The following MOGS variants were observed in gnomAD, a reference collection of about 807,000 sequenced individuals.
MOGS encodes epididymis secretory sperm binding protein.
A neutral mutation model predicts 68.5 loss-of-function variants in MOGS; 45 were observed. The observed-to-expected ratio is 0.66, with a 90% CI of 0.52 to 0.84. The LOEUF (loss-of-function observed/expected upper bound fraction) is 0.84. Ranked by LOEUF, MOGS falls within the 40% of genes least tolerant of loss-of-function variation. MOGS has a pLI of 0.00. For synonymous variants in MOGS, 492 were observed against 461.2 expected (o/e 1.07, Z -0.86); for missense variants, 1,020 against 1,095.0 (o/e 0.93, Z 0.97).
At position 74,465,177 on chromosome 2, in the gene MOGS, C is replaced by T. The variant is rs750801906; in HGVS notation, c.71G>A (p.Arg24Gln). ...EGVRTAERAARGGPGRRDGRG... is the reference protein window; with the variant it reads ...EGVRTAERAAQGGPGRRDGRG... ...GCCGTCCCGTCGCCCGGGGCCTCCC[C>T]GAGCCGCCCTCTCGGCTGTCCGCAC... Residue 24 changes from arginine (R) to glutamine (Q), a missense_variant, in exon 1 of 4, where the codon CGG becomes CAG. Coordinates refer to ENST00000448666, the MANE Select transcript of MOGS (RefSeq NM_006302.3). 7 of 1,532,194 alleles carry T rather than the reference C, an allele frequency of 4.6e-6. No individual in the cohort carries two copies. The highest frequency in any genetic ancestry group is 4.2e-5 in the African/African-American group (3 of 71,474). 94.9% of individuals were successfully genotyped at this position (1,532,194 alleles called of 1,614,324 possible). A position where few individuals can be genotyped will look rare whatever the true frequency, so the allele number is the denominator to read the frequency against.
intron 2 of MOGS, chr2:74,463,612 G>A: frequency 2.1e-6 from 1 of 486,432 alleles, no homozygotes; most frequent in Non-Finnish European, 3.8e-6. Context: ...GTATACTTTT[G>A]TACTATGTCC....
Position 74,461,162 on chromosome 2 carries a change from T to A in MOGS, c.*113A>T. 5.0e-6 allele frequency: 6 copies of A among 1,192,276 alleles called. No homozygotes were observed. The South Asian group carries it at 7.6e-5, about 15-fold the overall frequency. The allele number at this position is 1,192,276 out of a possible 1,614,324, so 73.9% of individuals were successfully genotyped here. On this transcript the variant is annotated 3_prime_UTR_variant, in exon 4 of 4. Coordinates refer to ENST00000448666, the MANE Select transcript of MOGS (RefSeq NM_006302.3). ...CAGCAAGGAGACACCTGAGATGAAA[T>A]GAGGAAGGTTTGAATTACTGGTATC...
chr2:74,464,937 T>C lies in MOGS; in HGVS notation c.311A>G (p.Tyr104Cys). The C allele has an allele frequency of 6.2e-7, 1 of 1,602,116 alleles. No individual in the cohort carries two copies. The highest frequency in any genetic ancestry group is 1.3e-5 in the African/African-American group (1 of 74,908). The part of the protein sequence containing the change: ...LFWGTYRPHV[Y>C]FGMKTRSPKP... ...CGGGCTGCGGGTCTTCATGCCGAAGTAGACGTGAGGGCGGTAGGTTCCCCA... is the reference window on the plus strand; with the variant it reads ...CGGGCTGCGGGTCTTCATGCCGAAGCAGACGTGAGGGCGGTAGGTTCCCCA... Residue 104 changes from tyrosine to cysteine, a missense_variant, in exon 1 of 4, where the codon TAC becomes TGC. This residue lies in a region of MOGS where 569 missense variants were observed against 571.9 expected (regional missense o/e 0.99). Transcript: ENST00000448666.
chr2:74,465,042 C>T lies in MOGS; in HGVS notation c.206G>A (p.Arg69Gln), dbSNP rs374933674. The T allele has an allele frequency of 1.0e-5, 16 of 1,554,958 alleles. No individual in the cohort carries two copies. Among genetic ancestry groups the T allele is most frequent in the Non-Finnish European group, 1.4e-5 (16 of 1,150,120 alleles). Residue 69 changes from arginine to glutamine, a missense_variant, in exon 1 of 4, where the codon CGG (arginine) becomes CAG (glutamine). Arg to Gln is a conservative substitution (Grantham distance 43). This residue lies in a region of MOGS where 569 missense variants were observed against 571.9 expected (regional missense o/e 0.99). Transcript: ENST00000448666. ...GRWVLAWYRA[R>Q]RAVTLHSAPP... ...CGCGGAGTGCAGCGTGACCGCCCGCCGCGCACGGTACCACGCCAGCACCCA... is the reference window on the plus strand; with the variant it reads ...CGCGGAGTGCAGCGTGACCGCCCGCTGCGCACGGTACCACGCCAGCACCCA...
In MOGS at chr2:74,462,330, C is replaced by T; in HGVS notation, c.1459G>A (p.Glu487Lys). Residue 487 changes from glutamate (E) to lysine (K), a missense_variant, in exon 4 of 4, where the codon GAG (glutamate) becomes AAG (lysine). Physicochemically the swap from Glu to Lys is moderately conservative, Grantham distance 56 (BLOSUM62 1). Transcript: ENST00000448666. The part of the protein sequence containing the change: ...LLNADGWIGR[E>K]QILGDEARAR... ...CGGGCCTCATCCCCCAGTATCTGCTCCCTCCCAATCCAGCCATCAGCATTT... is the reference window on the plus strand; with the variant it reads ...CGGGCCTCATCCCCCAGTATCTGCTTCCTCCCAATCCAGCCATCAGCATTT... The T allele has an allele frequency of 6.2e-7, 1 of 1,614,018 alleles. No individual in the cohort carries two copies. Among genetic ancestry groups the T allele is most frequent in the Non-Finnish European group, 8.5e-7 (1 of 1,180,010 alleles).
Position 74,461,331 on chromosome 2 carries a change from G to A in MOGS, c.2458C>T (p.Arg820Cys), listed in dbSNP as rs370469058. Residue 820 changes from arginine (R) to cysteine (C), a missense_variant, in exon 4 of 4, where the codon CGC becomes TGC. Arg to Cys is a radical substitution (Grantham distance 180). Coordinates refer to ENST00000448666, the MANE Select transcript of MOGS (RefSeq NM_006302.3). The stretch of plus-strand genomic sequence containing the variant: ...AGGCTGGTCCAGCCGTGGAAAGGGC[G>A]GCAGCCCATGCCTCGCCCATCGCGG... Reference protein sequence around the residue: ...SDRDGRGMGCRPFHGWTSLVL... With the variant: ...SDRDGRGMGCCPFHGWTSLVL... The A allele has an allele frequency of 1.4e-5, 23 of 1,613,972 alleles. No homozygotes were observed. The highest frequency in any genetic ancestry group is 2.2e-5 in the East Asian group (1 of 44,896).
In MOGS at chr2:74,461,319, C is replaced by T. The variant is rs778216818; in HGVS notation, c.2470G>A (p.Gly824Ser). ...GRGMGCRPFH[G>S]WTSLVLLAMA... ...GCCAGTAAGACAAGGCTGGTCCAGC[C>T]GTGGAAAGGGCGGCAGCCCATGCCT... Residue 824 changes from glycine to serine, a missense_variant, in exon 4 of 4, where the codon GGC becomes AGC. Around this residue, in one of 3 missense-constraint regions of MOGS, gnomAD observed 270 missense variants for 261.3 expected, o/e 1.03. Transcript: ENST00000448666. The T allele has an allele frequency of 1.6e-5, 26 of 1,613,970 alleles. No homozygotes were observed. Among genetic ancestry groups the T allele is most frequent in the Middle Eastern group, 1.6e-4 (1 of 6,080 alleles).
rs772550239 is a variant in MOGS at position 74,462,299 on chromosome 2, C to T, written c.1490G>A (p.Arg497Gln). The T allele has an allele frequency of 6.9e-5, 112 of 1,613,724 alleles. No homozygotes were observed. Among genetic ancestry groups the T allele is most frequent in the Middle Eastern group, 1.6e-4 (1 of 6,084 alleles). The change falls in exon 4 of 4, where the codon CGG becomes CAG. Residue 497 changes from arginine to glutamine, a missense_variant. This residue lies in a region of MOGS where 181 missense variants were observed against 261.8 expected (regional missense o/e 0.69). Transcript: ENST00000448666. ...TTGTACTAGGAATTCTGGAGGCACC[C>T]GGGCTCGGGCCTCATCCCCCAGTAT... ...EQILGDEARA[R>Q]VPPEFLVQRA...
intron 2 of MOGS, 29 bp downstream of exon 2, chr2:74,464,467 C>CT: frequency 6.2e-7 from 1 of 1,609,004 alleles, no homozygotes. Context: ...GGGGTCTGGG[C>CT]TGAGAAAAGG....
rs1671927109 is a variant in MOGS at position 74,462,063 on chromosome 2, T to C, written c.1726A>G (p.Lys576Glu). The C allele has an allele frequency of 6.2e-7, 1 of 1,613,968 alleles. No homozygotes were observed. The highest frequency in any genetic ancestry group is 8.5e-7 in the Non-Finnish European group (1 of 1,179,994). The change falls in exon 4 of 4, where the codon AAG becomes GAG. Residue 576 changes from lysine to glutamate, a missense_variant. Physicochemically the swap from Lys to Glu is moderately conservative, Grantham distance 56. This residue lies in a region of MOGS where 181 missense variants were observed against 261.8 expected (regional missense o/e 0.69). Transcript: ENST00000448666. The stretch of plus-strand genomic sequence containing the variant: ...TCATCCAGCCCAGAGGGTAGGGTCT[T>C]GGGGTTCAGTAAGGTTGGTAAGGCA... ...DPALPTLLNP[K>E]TLPSGLDDYP... is the part of the protein sequence containing the mutation.
Position 74,463,223 on chromosome 2 carries a change from G to A in MOGS, c.743C>T (p.Thr248Ile), listed in dbSNP as rs1247000523. Residue 248 changes from threonine (T) to isoleucine (I), a missense_variant, in exon 3 of 4, where the codon ACC becomes ATC. This residue lies in a region of MOGS where 569 missense variants were observed against 571.9 expected (regional missense o/e 0.99). Coordinates refer to ENST00000448666, the MANE Select transcript of MOGS (RefSeq NM_006302.3). Reference sequence around the variant, plus strand: ...CTTGGGGGCTGTATCCCCTGGACTGGTTGGTGGCAAAAGTGTAAAGCGGAA... The same window carrying A: ...CTTGGGGGCTGTATCCCCTGGACTGATTGGTGGCAAAAGTGTAAAGCGGAA... The part of the protein sequence containing the change: ...GDFRFTLLPP[T>I]SPGDTAPKYG... 1 of 1,614,048 alleles carries A rather than the reference G, an allele frequency of 6.2e-7. No individual in the cohort carries two copies. The highest frequency in any genetic ancestry group is 2.2e-5 in the East Asian group (1 of 44,904).
In MOGS at chr2:74,461,314, C is replaced by T. The variant is rs753171705; in HGVS notation, c.2475G>A (p.Trp825Ter). Residue 825 changes from tryptophan (W) to a stop codon, truncating the protein, a stop_gained, in exon 4 of 4, where the codon TGG (tryptophan) becomes TGA (stop). Coordinates refer to ENST00000448666, the MANE Select transcript of MOGS (RefSeq NM_006302.3). LOFTEE classifies it high-confidence loss of function. ...RGMGCRPFHGWTSLVLLAMAE... is the reference protein window; with the variant it reads ...RGMGCRPFHG ...CCATGGCCAGTAAGACAAGGCTGGT[C>T]CAGCCGTGGAAAGGGCGGCAGCCCA... The T allele has an allele frequency of 1.2e-6, 2 of 1,614,088 alleles. No individual in the cohort carries two copies. The highest frequency in any genetic ancestry group is 2.2e-5 in the East Asian group (1 of 44,890).
chr2:74,463,164 C>T, intron 3 of MOGS, 26 bp downstream of exon 3: 19 of 1,613,502 alleles, frequency 1.2e-5, no homozygotes, highest in Non-Finnish European at 1.6e-5. Flanking sequence ...CCCTTCCATC[C>T]CCCAACATTC....
At position 74,465,228 on chromosome 2, in the gene MOGS, C is replaced by T. The variant is rs534041573; in HGVS notation, c.20G>A (p.Arg7Gln). 22 of 1,446,988 alleles carry T rather than the reference C, an allele frequency of 1.5e-5. No individual in the cohort carries two copies. The South Asian group carries it at 2.2e-4, about 15-fold the overall frequency. 89.6% of individuals were successfully genotyped at this position (1,446,988 alleles called of 1,614,324 possible). A position where few individuals can be genotyped will look rare whatever the true frequency, so the allele number is the denominator to read the frequency against. MARGER[R>Q]RRAVPAEGVR... ...TCCCTCTGCCGGCACTGCGCGGCGC[C>T]GCCGCTCGCCCCGAGCCATCCTGGC... Residue 7 changes from arginine (R) to glutamine (Q), a missense_variant, in exon 1 of 4, where the codon CGG (arginine) becomes CAG (glutamine). Physicochemically the swap from Arg to Gln is conservative, Grantham distance 43 (BLOSUM62 1). Around this residue, in one of 3 missense-constraint regions of MOGS, gnomAD observed 569 missense variants for 571.9 expected, o/e 0.99. Transcript: ENST00000448666.
Position 74,461,061 on chromosome 2 carries a change from G to A in MOGS, c.*214C>T. 1 of 671,830 alleles carries A rather than the reference G, an allele frequency of 1.5e-6. No homozygotes were observed. Among genetic ancestry groups the A allele is most frequent in the Non-Finnish European group, 2.5e-6 (1 of 397,034 alleles). The allele number at this position is 671,830 out of a possible 1,614,324, so 41.6% of individuals were successfully genotyped here. On this transcript the variant is annotated 3_prime_UTR_variant, in exon 4 of 4. Coordinates refer to ENST00000448666, the MANE Select transcript of MOGS (RefSeq NM_006302.3). ...AGGCAAATCTGGCAAAAGCAATAGA[G>A]TTCAAAATGTTTTTTCCAATTTATT...
rs1671907003 is a variant in MOGS at position 74,461,632 on chromosome 2, G to A, written c.2157C>T (p.Ser719=). Residue 719 remains serine, a synonymous_variant, in exon 4 of 4, where the codon AGC becomes AGT. Coordinates refer to ENST00000448666, the MANE Select transcript of MOGS (RefSeq NM_006302.3). Reference sequence around the variant, plus strand: ...AACCAAAGGGGCTCCAGAGATGGCGGCTGTCGGCTAGAATGTCCAGCAGGG... The same window carrying A: ...AACCAAAGGGGCTCCAGAGATGGCGACTGTCGGCTAGAATGTCCAGCAGGG... The part of the protein sequence containing the change: ...LGPLLDILAD[S]RHLWSPFGLR... 1 of 1,614,028 alleles carries A rather than the reference G, an allele frequency of 6.2e-7. No individual in the cohort carries two copies.
Position 74,465,026 on chromosome 2 carries a change from C to T in MOGS, c.222G>A (p.Leu74=). Residue 74 remains leucine (L), a synonymous_variant, in exon 1 of 4, where the codon CTG becomes CTA. Coordinates refer to ENST00000448666, the MANE Select transcript of MOGS (RefSeq NM_006302.3). The stretch of plus-strand genomic sequence containing the variant: ...CAGGCAACACAGGAGGCGCGGAGTG[C>T]AGCGTGACCGCCCGCCGCGCACGGT... ...AWYRARRAVT[L]HSAPPVLPAD... 6.4e-7 allele frequency: 1 copy of T among 1,553,778 alleles called. No individual in the cohort carries two copies. Among genetic ancestry groups the T allele is most frequent in the Non-Finnish European group, 8.7e-7 (1 of 1,149,192 alleles).
In MOGS at chr2:74,461,537, C is replaced by A; in HGVS notation, c.2252G>T (p.Arg751Leu). 2 of 1,613,950 alleles carry A rather than the reference C, an allele frequency of 1.2e-6. No individual in the cohort carries two copies. Among genetic ancestry groups the A allele is most frequent in the Non-Finnish European group, 8.5e-7 (1 of 1,179,928 alleles). ...RNSEHDPPYW[R>L]GAVWLNVNYL... ...GTTGACATTGAGCCACACAGCACCC[C>A]GCCAGTAGGGGGGATCATGCTCTGA... The change falls in exon 4 of 4, where the codon CGG becomes CTG. Residue 751 changes from arginine to leucine, a missense_variant. Physicochemically the swap from Arg to Leu is moderately radical, Grantham distance 102. Transcript: ENST00000448666.
At position 74,465,178 on chromosome 2, in the gene MOGS, G is replaced by T; in HGVS notation, c.70C>A (p.Arg24=). The change falls in exon 1 of 4, where the codon CGG becomes AGG. Residue 24 remains arginine, a synonymous_variant. Coordinates refer to ENST00000448666, the MANE Select transcript of MOGS (RefSeq NM_006302.3). ...CCGTCCCGTCGCCCGGGGCCTCCCC[G>T]AGCCGCCCTCTCGGCTGTCCGCACT... ...EGVRTAERAA[R]GGPGRRDGRG... The T allele has an allele frequency of 6.5e-7, 1 of 1,532,828 alleles. No homozygotes were observed. The highest frequency in any genetic ancestry group is 8.7e-7 in the Non-Finnish European group (1 of 1,147,110). The allele number at this position is 1,532,828 out of a possible 1,614,324, so 95.0% of individuals were successfully genotyped here.
Sources: allele counts gnomAD v4.1 joint callset, GRCh38; gene constraint gnomAD v4.1.1; regional missense constraint gnomAD v4.1.1; transcripts MANE v1.5; gene names NCBI Gene and HGNC (gene_info 2026-07-23, HGNC 2026-07-21).